The following ARHGAP44 variants were observed in gnomAD, a reference collection of about 807,000 sequenced individuals.
The protein encoded by ARHGAP44 is Rho GTPase activating protein 44.
ARHGAP44 carries 43 observed loss-of-function variants against 106.8 expected under a neutral mutation model. The ratio of observed to expected loss-of-function variants is 0.40; its 90% CI spans 0.32 to 0.52. The LOEUF is 0.52. ARHGAP44 is among the 20% of genes least tolerant of loss of function. The probability of loss-of-function intolerance (pLI) is 0.48; values close to 1 mark genes in which losing one functional copy is unlikely to be tolerated. For missense variants in ARHGAP44, 866 were observed against 1,050.5 expected (o/e 0.82, Z 2.43); for synonymous variants, 439 against 410.3 (o/e 1.07, Z -0.85).
chr17:12,938,534 G>C (rs1170078398), intron 7 of ARHGAP44, among the ~76,000 whole-genome samples: 1 of 145,472 alleles, frequency 6.9e-6, no homozygotes, highest in Non-Finnish European at 1.5e-5. Context: ...CCATAGAGCA[G>C]TCTGCTCAAT....
chr17:12,849,348 T>C (rs77580124), intron 1 of ARHGAP44, among the ~76,000 whole-genome samples: 6,304 of 152,038 alleles, frequency 0.041, 190 homozygotes, highest in East Asian at 0.14. Context: ...GTTCTATTCA[T>C]CACCCAACTT....
In ARHGAP44 at chr17:12,889,351, C is replaced by A. The variant is rs544558873; in HGVS notation, c.54-5589C>A. ...GAGTCCTGGAGGCTGGGAAGTCCAA[C>A]AAGGGGCTAGCATCTGGTGAAGGCC... On this transcript the variant is annotated intron_variant, in intron 1 of 20. Transcript: ENST00000379672. Among the ~76,000 whole-genome samples the A allele has an allele frequency of 2.6e-5, 4 of 152,282 alleles. No individual in the cohort carries two copies. The South Asian group carries it at 8.3e-4, about 32-fold the overall frequency.
intron 4 of ARHGAP44, 143 bp from the exon 5 acceptor site, chr17:12,915,757 C>T: frequency 1.5e-6 from 1 of 659,864 alleles, no homozygotes; most frequent in Non-Finnish European, 2.6e-6. Context: ...ACAGGTTGGC[C>T]CAGGGGAAGC....
chr17:12,857,888 G>A (rs1450272691), intron 1 of ARHGAP44, among the ~76,000 whole-genome samples: 1 of 151,954 alleles, frequency 6.6e-6, no homozygotes. Context: ...GATTATGTCT[G>A]ATTTGGGACA....
intron 1 of ARHGAP44, among the ~76,000 whole-genome samples, chr17:12,852,354 C>T (rs565713140): frequency 8.1e-5 from 7 of 86,068 alleles, no homozygotes; most frequent in East Asian, 8.1e-4. Flanking sequence ...TCTTCGTTTT[C>T]GTTTCCAGTA....
At chr17:12,896,533 G>A in intron 3 of ARHGAP44, 22 bp downstream of exon 3, 1 of 1,569,604 alleles carries the variant, frequency 6.4e-7, no homozygotes, top group Non-Finnish European at 8.6e-7. Context: ...CCCAGCCCTG[G>A]GGAGCTGAAA....
In ARHGAP44 at chr17:12,885,939, A is replaced by G. The variant is rs368988039; in HGVS notation, c.54-9001A>G. Among the ~76,000 whole-genome samples the G allele has an allele frequency of 7.9e-5, 12 of 152,102 alleles. No homozygotes were observed. In the East Asian group the frequency reaches 2.3e-3, roughly 29 times the overall value. On this transcript the variant is annotated intron_variant, in intron 1 of 20. Coordinates refer to ENST00000379672, the MANE Select transcript of ARHGAP44 (RefSeq NM_014859.6). ...AGAATCCATTGTCTAAAGCAAGGTCACAGATATTTTCTTCTATGTTTCCTG... is the reference window on the plus strand; with the variant it reads ...AGAATCCATTGTCTAAAGCAAGGTCGCAGATATTTTCTTCTATGTTTCCTG...
chr17:12,910,866 C>T (rs1313631268), intron 4 of ARHGAP44, among the ~76,000 whole-genome samples: 1 of 151,734 alleles, frequency 6.6e-6, no homozygotes, highest in African/African-American at 2.4e-5. Flanking sequence ...AAAGGTATTA[C>T]ATTTAAATTT....
At chr17:12,930,311 G>A (rs1006263600) in intron 7 of ARHGAP44, among the ~76,000 whole-genome samples, 3 of 151,530 alleles carry the variant, frequency 2.0e-5, no homozygotes, top group Admixed American at 6.6e-5. Flanking sequence ...TTGGCTCACC[G>A]CAACTTCCGT....
In ARHGAP44 at chr17:12,823,030, C is replaced by T. The variant is rs371446572; in HGVS notation, c.53+33139C>T. On this transcript the variant is annotated intron_variant, in intron 1 of 20. Transcript: ENST00000379672. ...CTGGGTAAAATGTGCAACTTCGTGT[C>T]GACTCTGTAATATAGGGTATATTGT... Among the ~76,000 whole-genome samples, 10 of 152,112 alleles carry T rather than the reference C, an allele frequency of 6.6e-5. No individual in the cohort carries two copies. In the East Asian group the frequency reaches 9.6e-4, roughly 15 times the overall value.
intron 1 of ARHGAP44, among the ~76,000 whole-genome samples, chr17:12,862,558 T>C (rs914541831): frequency 1.3e-5 from 2 of 152,220 alleles, no homozygotes; most frequent in African/African-American, 2.4e-5. Flanking sequence ...GCTTCTTTCT[T>C]TCCCAGGGAT....
intron 6 of ARHGAP44, among the ~76,000 whole-genome samples, chr17:12,926,481 TATGTATG>T (rs1283919765): frequency 6.9e-6 from 1 of 144,944 alleles, no homozygotes; most frequent in East Asian, 2.0e-4. Context: ...ATATAATATA[TATGTATG>T]TATAATATAT....
At chr17:12,862,996 T>TA (rs140382621) in intron 1 of ARHGAP44, among the ~76,000 whole-genome samples, 5,484 of 141,882 alleles carry the variant, frequency 0.039, 288 homozygotes, top group African/African-American at 0.12. Flanking sequence ...AAAAATAAAA[T>TA]AAAAAAAAAG....
At chr17:12,917,483 G>A (rs2037952928) in intron 5 of ARHGAP44, 1 of 152,516 alleles carries the variant, frequency 6.6e-6, no homozygotes. Flanking sequence ...CGGGAGGGAG[G>A]GAGAGAGAGA....
chr17:12,927,982 A>G (rs1364548382), intron 6 of ARHGAP44, among the ~76,000 whole-genome samples: 1 of 152,084 alleles, frequency 6.6e-6, no homozygotes, highest in Non-Finnish European at 1.5e-5. Flanking sequence ...TTACAGACTC[A>G]GGAGAGGAAC....
intron 10 of ARHGAP44, among the ~76,000 whole-genome samples, chr17:12,946,184 A>G (rs1227614875): frequency 6.6e-6 from 1 of 152,196 alleles, no homozygotes; most frequent in Non-Finnish European, 1.5e-5. Context: ...ACATAAAGAT[A>G]ACATAATGAG....
chr17:12,912,099 A>G (rs979265286), intron 4 of ARHGAP44, among the ~76,000 whole-genome samples: 4 of 152,222 alleles, frequency 2.6e-5, no homozygotes, highest in Non-Finnish European at 5.9e-5. Flanking sequence ...GACCAAAACA[A>G]TTGGGTGGAT....
chr17:12,860,364 T>C (rs2036034774), intron 1 of ARHGAP44, among the ~76,000 whole-genome samples: 2 of 152,212 alleles, frequency 1.3e-5, no homozygotes, highest in African/African-American at 4.8e-5. Context: ...CAGATAACTG[T>C]CTGGAAAGTG....
chr17:12,983,825 A>C (rs2039891632), intron 19 of ARHGAP44, among the ~76,000 whole-genome samples: 1 of 152,166 alleles, frequency 6.6e-6, no homozygotes, highest in Non-Finnish European at 1.5e-5. Flanking sequence ...AAAAACAACA[A>C]AAAAACCCCA....
Sources: gnomAD v4.1 joint callset for allele counts (sites outside exome capture counted in the v4.1 genomes callset) on GRCh38, gnomAD v4.1.1 for gene constraint, MANE v1.5 for transcripts, NCBI Gene and HGNC (gene_info 2026-07-23, HGNC 2026-07-21) for gene names.